ZFHX3: variants seen among roughly 807,000 people sequenced by gnomAD.
ZFHX3 encodes zinc finger homeobox 3.
Under a neutral mutation model 279.1 loss-of-function variants are expected in ZFHX3, and 42 were observed. That is an observed-to-expected ratio of 0.15 (90% CI 0.12 to 0.19). The LOEUF (loss-of-function observed/expected upper bound fraction) is 0.19. Ranked by LOEUF, ZFHX3 falls within the 10% of genes least tolerant of loss-of-function variation. The pLI is 1.00. For synonymous variants in ZFHX3, 2,293 were observed against 1,957.8 expected, an observed-to-expected ratio of 1.17 and a Z score of -4.52; for missense variants, 4,981 against 4,754.0, an observed-to-expected ratio of 1.05 and a Z score of -1.40.
intron 1 of ZFHX3, among the ~76,000 whole-genome samples, chr16:73,791,768 A>G (rs1436636066): frequency 6.6e-6 from 1 of 152,236 alleles, no homozygotes; most frequent in Non-Finnish European, 1.5e-5. Flanking sequence ...CTAATGTTGC[A>G]GGTCTGGGAA....
chr16:73,440,990 G>C (rs905997822), intron 3 of ZFHX3, among the ~76,000 whole-genome samples: 2 of 152,258 alleles, frequency 1.3e-5, no homozygotes, highest in African/African-American at 4.8e-5. Flanking sequence ...CACATTATTT[G>C]TATTTTAAGC....
intron 2 of ZFHX3, among the ~76,000 whole-genome samples, chr16:73,646,874 G>C (rs906647353): frequency 6.6e-6 from 1 of 152,154 alleles, no homozygotes; most frequent in African/African-American, 2.4e-5. Context: ...AAGTGAGCTC[G>C]TCTCAGAGGG....
chr16:73,766,455 G>A (rs2053944909), intron 1 of ZFHX3, among the ~76,000 whole-genome samples: 3 of 152,166 alleles, frequency 2.0e-5, no homozygotes, highest in Admixed American at 2.0e-4. Context: ...ATAAGGGACA[G>A]CAGCATCTCT....
chr16:72,801,940 C>G (rs1045169679), intron 7 of ZFHX3, among the ~76,000 whole-genome samples: 2 of 151,744 alleles, frequency 1.3e-5, no homozygotes, highest in Non-Finnish European at 2.9e-5. Flanking sequence ...GACTCCCCCC[C>G]ACCTCCTTTC....
intron 5 of ZFHX3, among the ~76,000 whole-genome samples, chr16:73,202,351 A>G: frequency 6.6e-6 from 1 of 152,266 alleles, no homozygotes; most frequent in East Asian, 1.9e-4. Context: ...TGGCCAAAAT[A>G]GAATACCAAT....
chr16:73,769,122 C>T (rs776730708), intron 1 of ZFHX3, among the ~76,000 whole-genome samples: 6 of 152,130 alleles, frequency 3.9e-5, no homozygotes, highest in Non-Finnish European at 7.4e-5. Context: ...TGACCCTGAC[C>T]TTGGACAAGG....
chr16:72,949,033 T>C (rs1960842095), intron 3 of ZFHX3, among the ~76,000 whole-genome samples: 1 of 152,198 alleles, frequency 6.6e-6, no homozygotes, highest in Non-Finnish European at 1.5e-5. Context: ...TTCCAGAACA[T>C]TCTATCCCCT....
intron 4 of ZFHX3, among the ~76,000 whole-genome samples, chr16:73,284,914 C>T (rs986312952): frequency 6.6e-6 from 1 of 152,142 alleles, no homozygotes; most frequent in African/African-American, 2.4e-5. Flanking sequence ...GTGATCAGCT[C>T]ACTGTAACCT....
intron 1 of ZFHX3, among the ~76,000 whole-genome samples, chr16:73,053,945 C>G (rs969310344): frequency 4.6e-5 from 7 of 151,950 alleles, no homozygotes; most frequent in Non-Finnish European, 7.4e-5. Flanking sequence ...CTATAAAAAG[C>G]CTTCCTAAAA....
intron 3 of ZFHX3, among the ~76,000 whole-genome samples, chr16:72,895,729 C>G (rs1390058784): frequency 6.6e-6 from 1 of 152,134 alleles, no homozygotes; most frequent in Non-Finnish European, 1.5e-5. Context: ...GAGGCTGAGG[C>G]AGGAGGATCA....
At chr16:72,942,657 CGACA>C (rs1020423616) in intron 3 of ZFHX3, among the ~76,000 whole-genome samples, 7 of 152,136 alleles carry the variant, frequency 4.6e-5, no homozygotes, top group African/African-American at 1.7e-4. Context: ...GGAAATATGT[CGACA>C]GAGTCATGAA....
intron 5 of ZFHX3, among the ~76,000 whole-genome samples, chr16:72,818,295 G>C (rs545529476): frequency 6.6e-6 from 1 of 152,236 alleles, no homozygotes; most frequent in Non-Finnish European, 1.5e-5. Flanking sequence ...TGTTTCCAGA[G>C]GGTCATCTGT....
At chr16:73,023,390 G>C (rs1451601659) in intron 1 of ZFHX3, among the ~76,000 whole-genome samples, 1 of 152,196 alleles carries the variant, frequency 6.6e-6, no homozygotes, top group African/African-American at 2.4e-5. Context: ...CTGTCATCTA[G>C]ACACAAGGGG....
intron 7 of ZFHX3, among the ~76,000 whole-genome samples, chr16:72,811,198 A>G (rs2036433341): frequency 6.6e-6 from 1 of 152,212 alleles, no homozygotes; most frequent in Non-Finnish European, 1.5e-5. Context: ...TTTTACAACA[A>G]AAACAGAGTT....
intron 1 of ZFHX3, among the ~76,000 whole-genome samples, chr16:73,714,379 A>C (rs1193368865): frequency 2.0e-5 from 3 of 152,142 alleles, no homozygotes. Context: ...CTCCATTCCC[A>C]AGCACGGGTT....
intron 4 of ZFHX3, among the ~76,000 whole-genome samples, chr16:73,310,411 C>G (rs2015297528): frequency 1.3e-5 from 2 of 152,232 alleles, no homozygotes; most frequent in African/African-American, 4.8e-5. Context: ...CATTCCTTTG[C>G]TGTCTGCACT....
At chr16:73,584,717 A>G (rs576979875) in intron 2 of ZFHX3, among the ~76,000 whole-genome samples, 1 of 152,368 alleles carries the variant, frequency 6.6e-6, no homozygotes, top group Non-Finnish European at 1.5e-5. Context: ...AGCAATTGCA[A>G]CAAAAGCAAA....
At chr16:72,892,974 G>T (rs1331808516) in intron 3 of ZFHX3, among the ~76,000 whole-genome samples, 3 of 152,074 alleles carry the variant, frequency 2.0e-5, no homozygotes, top group African/African-American at 7.2e-5. Context: ...GCTAGCCCAC[G>T]TCCCTTCCCC....
At chr16:73,344,487 G>C (rs866293260) in intron 3 of ZFHX3, among the ~76,000 whole-genome samples, 20 of 152,274 alleles carry the variant, frequency 1.3e-4, no homozygotes, top group African/African-American at 4.3e-4. Flanking sequence ...TTCTTGGAAG[G>C]ATGGAAAAAA....
Sources: gnomAD v4.1 joint callset for allele counts (sites outside exome capture counted in the v4.1 genomes callset) on GRCh38, gnomAD v4.1.1 for gene constraint, MANE v1.5 for transcripts, NCBI Gene and HGNC (gene_info 2026-07-23, HGNC 2026-07-21) for gene names.